Variants in KCNN2 observed in about 807,000 individuals in gnomAD.
KCNN2 encodes potassium calcium-activated channel subfamily N member 2, also known as small conductance calcium-activated potassium channel protein 2.
KCNN2 carries 24 observed loss-of-function variants against 55.5 expected under a neutral mutation model. That is an observed-to-expected ratio of 0.43 (90% confidence interval 0.31 to 0.61). The LOEUF (loss-of-function observed/expected upper bound fraction) is 0.61. Among genes scored for constraint, KCNN2 ranks in the 20% least tolerant of loss-of-function variants. KCNN2 has a pLI of 0.08. For missense variants in KCNN2, 754 were observed against 853.6 expected, an observed-to-expected ratio of 0.88 and a Z score of 1.45; for synonymous variants, 431 against 336.1, an observed-to-expected ratio of 1.28 and a Z score of -3.09.
chr5:114,304,121 A>G (rs1756220686), intron 2 of KCNN2, among the ~76,000 whole-genome samples: 1 of 152,162 alleles, frequency 6.6e-6, no homozygotes, highest in Non-Finnish European at 1.5e-5. Flanking sequence ...ATTTCCCTTC[A>G]TTACTGTTCT....
chr5:114,428,891 T>A (rs972245693), intron 3 of KCNN2, among the ~76,000 whole-genome samples: 1 of 152,144 alleles, frequency 6.6e-6, no homozygotes, highest in African/African-American at 2.4e-5. Flanking sequence ...CATATCTTTT[T>A]GTGGCTTGAT....
intron 2 of KCNN2, among the ~76,000 whole-genome samples, chr5:114,355,470 G>A (rs1757279544): frequency 6.6e-6 from 1 of 152,198 alleles, no homozygotes; most frequent in Non-Finnish European, 1.5e-5. Flanking sequence ...ATTTCCAAGT[G>A]TAAGCTTTCA....
intron 2 of KCNN2, among the ~76,000 whole-genome samples, chr5:114,282,295 G>A (rs2150013405): frequency 6.6e-6 from 1 of 152,150 alleles, no homozygotes; most frequent in East Asian, 1.9e-4. Context: ...AAAAACAAAG[G>A]AATCTAGGCA....
At chr5:114,448,370 G>GCTT (rs1760506203) in intron 3 of KCNN2, among the ~76,000 whole-genome samples, 2 of 152,158 alleles carry the variant, frequency 1.3e-5, no homozygotes, top group African/African-American at 2.4e-5. Flanking sequence ...GTTTGAGACA[G>GCTT]CTTCGTTCAC....
intron 2 of KCNN2, among the ~76,000 whole-genome samples, chr5:114,311,448 C>T (rs767074658): frequency 6.6e-6 from 1 of 152,080 alleles, no homozygotes; most frequent in African/African-American, 2.4e-5. Flanking sequence ...TGGCGACTTC[C>T]CCTTGGCAGA....
At chr5:114,132,826 C>A (rs1414395679) in intron 1 of KCNN2, among the ~76,000 whole-genome samples, 2 of 152,128 alleles carry the variant, frequency 1.3e-5, no homozygotes, top group Admixed American at 6.5e-5. Context: ...ACACTTCATG[C>A]AAACTAGTAC....
At chr5:114,388,008 A>T (rs337690) in intron 2 of KCNN2, among the ~76,000 whole-genome samples, 1 of 152,280 alleles carries the variant, frequency 6.6e-6, no homozygotes, top group South Asian at 2.1e-4. Flanking sequence ...CTTCCGTTCC[A>T]TGCTCTTATG....
chr5:114,356,349 T>C (rs1260605785), intron 2 of KCNN2, among the ~76,000 whole-genome samples: 1 of 152,200 alleles, frequency 6.6e-6, no homozygotes, highest in African/African-American at 2.4e-5. Flanking sequence ...TGCTGTCTGC[T>C]AAGTTTTATG....
At chr5:114,290,504 A>G (rs1239701975) in intron 2 of KCNN2, among the ~76,000 whole-genome samples, 1 of 152,036 alleles carries the variant, frequency 6.6e-6, no homozygotes, top group Non-Finnish European at 1.5e-5. Context: ...GTCTAGCTAA[A>G]GCTTTATCAA....
intron 1 of KCNN2, among the ~76,000 whole-genome samples, chr5:114,162,475 C>T (rs1338519918): frequency 1.3e-5 from 2 of 152,196 alleles, no homozygotes; most frequent in African/African-American, 2.4e-5. Flanking sequence ...AGGCAGTCTG[C>T]CCTTTCTCAG....
At chr5:114,400,635 G>C (rs1268900637) in intron 2 of KCNN2, among the ~76,000 whole-genome samples, 1 of 152,212 alleles carries the variant, frequency 6.6e-6, no homozygotes, top group East Asian at 1.9e-4. Context: ...TTTCCAGACT[G>C]ATCTCCTTTC....
At chr5:114,165,800 G>A (rs1421297892) in intron 1 of KCNN2, among the ~76,000 whole-genome samples, 2 of 152,060 alleles carry the variant, frequency 1.3e-5, no homozygotes, top group African/African-American at 4.8e-5. Context: ...TTATGGCATT[G>A]GTACGCCTTC....
At chr5:114,178,286 G>A (rs1753175188) in intron 1 of KCNN2, among the ~76,000 whole-genome samples, 1 of 152,144 alleles carries the variant, frequency 6.6e-6, no homozygotes, top group Non-Finnish European at 1.5e-5. Flanking sequence ...CCAAATGAGA[G>A]TTCCATAAAC....
chr5:114,357,761 C>T (rs1426039797), upstream of KCNN2, among the ~76,000 whole-genome samples: 13 of 146,336 alleles, frequency 8.9e-5, no homozygotes, highest in Non-Finnish European at 1.6e-4. Context: ...AATAAACATA[C>T]GTGTGCATGT....
At chr5:114,142,743 A>G (rs1752311780) in intron 1 of KCNN2, among the ~76,000 whole-genome samples, 1 of 152,240 alleles carries the variant, frequency 6.6e-6, no homozygotes, top group South Asian at 2.1e-4. Context: ...AGAGCATTCC[A>G]TGCTCATACA....
chr5:114,323,649 A>ATTTTTTTTTTTGTTTTTTTTTTT (rs1756656380), intron 2 of KCNN2, among the ~76,000 whole-genome samples: 1 of 85,318 alleles, frequency 1.2e-5, no homozygotes, highest in African/African-American at 4.0e-5. Context: ...AAACATATCA[A>ATTTTTTTTTTTGTTTTTTTTTTT]TTTTTTTTTT....
intron 1 of KCNN2, among the ~76,000 whole-genome samples, chr5:114,135,338 CTG>C (rs906280322): frequency 1.3e-5 from 2 of 152,118 alleles, no homozygotes; most frequent in Non-Finnish European, 2.9e-5. Context: ...AGATTTTTCT[CTG>C]TAGATAATAA....
intron 2 of KCNN2, among the ~76,000 whole-genome samples, chr5:114,380,279 C>T (rs1452478356): frequency 6.6e-6 from 1 of 152,192 alleles, no homozygotes; most frequent in Non-Finnish European, 1.5e-5. Context: ...CCTCCCTCCC[C>T]CTGCTTCTTT....
intron 1 of KCNN2, among the ~76,000 whole-genome samples, chr5:114,080,434 C>T (rs1018088666): frequency 3.3e-5 from 5 of 152,066 alleles, no homozygotes; most frequent in Admixed American, 1.3e-4. Flanking sequence ...GAGATGTCTG[C>T]GTGGAAAGGT....
Sources: gnomAD v4.1 joint callset for allele counts (sites outside exome capture counted in the v4.1 genomes callset) on GRCh38, gnomAD v4.1.1 for gene constraint, MANE v1.5 for transcripts, NCBI Gene and HGNC (gene_info 2026-07-23, HGNC 2026-07-21) for gene names.